Variants in CHD9 observed in about 807,000 individuals in gnomAD.
CHD9 encodes ATP-dependent chromatin remodeler CHD9.
CHD9 carries 77 observed loss-of-function variants against 316.1 expected under a neutral mutation model. That is an observed-to-expected ratio of 0.24 (90% confidence interval 0.20 to 0.29). The LOEUF is 0.29. CHD9 is among the 10% of genes least tolerant of loss of function. CHD9 has a pLI of 1.00. For synonymous variants in CHD9, 1,129 were observed against 1,158.3 expected (o/e 0.97, Z 0.51); for missense variants, 2,763 against 3,438.1 (o/e 0.80, Z 4.91).
At chr16:53,117,004 A>T (rs2038360198) in intron 1 of CHD9, among the ~76,000 whole-genome samples, 1 of 152,318 alleles carries the variant, frequency 6.6e-6, no homozygotes, top group South Asian at 2.1e-4. Flanking sequence ...GTTCTTACTC[A>T]TAAGTGGGAG....
chr16:53,209,887 T>G, intron 3 of CHD9, 74 bp downstream of exon 3: 1 of 1,056,424 alleles, frequency 9.5e-7, no homozygotes, highest in Non-Finnish European at 1.4e-6. Flanking sequence ...CCATCTACTT[T>G]TGATTTGAGT....
chr16:53,120,351 C>T (rs958298626), intron 1 of CHD9, among the ~76,000 whole-genome samples: 12 of 152,102 alleles, frequency 7.9e-5, no homozygotes, highest in Admixed American at 2.0e-4. Flanking sequence ...TGGTGGCTCA[C>T]GCCTGTAATC....
intron 2 of CHD9, among the ~76,000 whole-genome samples, chr16:53,158,623 A>G (rs1297605456): frequency 1.3e-5 from 2 of 151,972 alleles, no homozygotes; most frequent in African/African-American, 4.8e-5. Context: ...AGAAATTAAT[A>G]CTTTTTTTTG....
At chr16:53,203,284 A>G (rs1339822893) in intron 2 of CHD9, among the ~76,000 whole-genome samples, 1 of 152,172 alleles carries the variant, frequency 6.6e-6, no homozygotes, top group African/African-American at 2.4e-5. Flanking sequence ...TTACTTTAAG[A>G]TACTTTCCTT....
intron 1 of CHD9, among the ~76,000 whole-genome samples, chr16:53,092,419 CCT>C (rs2036022317): frequency 6.6e-6 from 1 of 152,186 alleles, no homozygotes. Context: ...TGTACTGCTA[CCT>C]CTCTCGGAGA....
At chr16:53,268,774 T>A (rs1480918824) in intron 22 of CHD9, among the ~76,000 whole-genome samples, 1 of 152,138 alleles carries the variant, frequency 6.6e-6, no homozygotes, top group Admixed American at 6.6e-5. Context: ...AACATTGATA[T>A]GCAATTTTAA....
At chr16:53,151,627 T>C (rs1368940734) in intron 1 of CHD9, among the ~76,000 whole-genome samples, 1 of 152,216 alleles carries the variant, frequency 6.6e-6, no homozygotes, top group Non-Finnish European at 1.5e-5. Flanking sequence ...TCTTCAAGTC[T>C]TCAAGTTTGC....
intron 2 of CHD9, among the ~76,000 whole-genome samples, chr16:53,209,038 G>A (rs1055259062): frequency 6.6e-6 from 1 of 151,906 alleles, no homozygotes; most frequent in African/African-American, 2.4e-5. Context: ...GTAAAGCAGA[G>A]GTTTTATTTT....
Position 53,314,431 on chromosome 16 carries a change from C to T in CHD9, c.7277C>T (p.Pro2426Leu), listed in dbSNP as rs2056726962. Residue 2426 changes from proline (P) to leucine (L), a missense_variant, in exon 35 of 39, where the codon CCT (proline) becomes CTT (leucine). Around this residue, in one of 15 missense-constraint regions of CHD9, gnomAD observed 663 missense variants for 751.2 expected, o/e 0.88. Coordinates refer to ENST00000447540, the MANE Select transcript of CHD9 (RefSeq NM_001308319.2). Reference protein sequence around the residue: ...GANGVILDNQPIVKKRRGRRK... With the variant: ...GANGVILDNQLIVKKRRGRRK... The stretch of plus-strand genomic sequence containing the variant: ...AATGGTGTGATATTAGACAACCAGC[C>T]TATAGTCAAAAAAAGGCGAGGAAGG... 6.3e-7 allele frequency: 1 copy of T among 1,589,414 alleles called. No individual in the cohort carries two copies. Among genetic ancestry groups the T allele is most frequent in the South Asian group, 1.1e-5 (1 of 87,316 alleles).
intron 24 of CHD9, 61 bp downstream of exon 24, chr16:53,274,363 C>T (rs2052580374): frequency 2.9e-6 from 3 of 1,031,472 alleles, no homozygotes; most frequent in Admixed American, 2.8e-5. Flanking sequence ...CAGCTTCAAG[C>T]TCCTGGGTTC....
chr16:53,204,154 C>A (rs2045709949), intron 2 of CHD9, among the ~76,000 whole-genome samples: 1 of 146,666 alleles, frequency 6.8e-6, no homozygotes, highest in Non-Finnish European at 1.5e-5. Flanking sequence ...GTGTGTATAA[C>A]CTTCACCACC....
intron 2 of CHD9, among the ~76,000 whole-genome samples, chr16:53,161,235 G>T (rs995201974): frequency 6.6e-6 from 1 of 152,134 alleles, no homozygotes; most frequent in African/African-American, 2.4e-5. Context: ...ATTGTATGTT[G>T]CATATCAGTT....
At chr16:53,239,427 A>C (rs1382894331) in intron 12 of CHD9, among the ~76,000 whole-genome samples, 1 of 152,098 alleles carries the variant, frequency 6.6e-6, no homozygotes, top group Non-Finnish European at 1.5e-5. Flanking sequence ...TCTACGAAAA[A>C]ATTAAAATAT....
At chr16:53,099,670 G>A (rs1175544049) in intron 1 of CHD9, among the ~76,000 whole-genome samples, 1 of 152,132 alleles carries the variant, frequency 6.6e-6, no homozygotes, top group Non-Finnish European at 1.5e-5. Context: ...CGGGAGATTC[G>A]GCTCCACCCC....
At chr16:53,238,937 A>G (rs2048851565) in intron 12 of CHD9, among the ~76,000 whole-genome samples, 1 of 152,158 alleles carries the variant, frequency 6.6e-6, no homozygotes, top group Non-Finnish European at 1.5e-5. Flanking sequence ...ATCATTGTCC[A>G]GCTTTTTTCC....
chr16:53,199,149 A>G (rs1186792150), intron 2 of CHD9, among the ~76,000 whole-genome samples: 1 of 152,124 alleles, frequency 6.6e-6, no homozygotes, highest in Non-Finnish European at 1.5e-5. Flanking sequence ...CTCAGTTTCA[A>G]TAATTTGCCA....
Position 53,254,566 on chromosome 16 carries a change from G to C in CHD9, c.3990G>C (p.Val1330=). Residue 1330 remains valine, a synonymous_variant, in exon 18 of 39, where the codon GTG becomes GTC. Coordinates refer to ENST00000447540, the MANE Select transcript of CHD9 (RefSeq NM_001308319.2). ...ASLKLGLDKA[V]LQSMSGRESN... ...TGAAACTGGGCCTAGATAAAGCTGT[G>C]TTACAGAGCATGAGTGGAAGAGAAA... is the stretch of plus-strand genomic sequence containing the variant. The C allele has an allele frequency of 6.2e-7, 1 of 1,612,444 alleles. No homozygotes were observed. The highest frequency in any genetic ancestry group is 8.5e-7 in the Non-Finnish European group (1 of 1,179,006).
chr16:53,201,081 A>AGGGC lies in CHD9; in HGVS notation c.1453-8400_1453-8397dup, dbSNP rs201082419. Among the ~76,000 whole-genome samples, 1,366 of 152,312 alleles carry AGGGC rather than the reference A, an allele frequency of 9.0e-3. 15 individuals carry two copies. Among genetic ancestry groups the AGGGC allele is most frequent in the African/African-American group, 0.031 (1,292 of 41,558 alleles). On this transcript the variant is annotated intron_variant, in intron 2 of 38. Transcript: ENST00000447540. ...AATGATGGAACTGGAACCAGAACCC[A>AGGGC]GGGCTGGCTGGCTCAAAAACCCATG...
At chr16:53,126,315 A>G (rs1471035163) in intron 1 of CHD9, among the ~76,000 whole-genome samples, 1 of 152,180 alleles carries the variant, frequency 6.6e-6, no homozygotes, top group East Asian at 1.9e-4. Flanking sequence ...TTCCCAATCT[A>G]AATGTCTTGG....
Sources: allele counts gnomAD v4.1 joint callset (sites outside exome capture counted in the v4.1 genomes callset), GRCh38; gene constraint gnomAD v4.1.1; regional missense constraint gnomAD v4.1.1; transcripts MANE v1.5; gene names NCBI Gene and HGNC (gene_info 2026-07-23, HGNC 2026-07-21).